Variants in TSFM observed in about 807,000 individuals in gnomAD.
TSFM encodes the protein Ts translation elongation factor, mitochondrial.
TSFM carries 29 observed loss-of-function variants against 33.4 expected under a neutral mutation model. The observed-to-expected ratio is 0.87, with a 90% CI of 0.65 to 1.18. TSFM has a LOEUF of 1.18. TSFM is among the 50% of genes most tolerant of loss of function. The pLI is 0.00. For missense variants in TSFM, 394 were observed against 395.6 expected (o/e 1.00, Z 0.04); for synonymous variants, 178 against 163.5 (o/e 1.09, Z -0.68).
At position 57,796,809 on chromosome 12, in the gene TSFM, G is replaced by T; in HGVS notation, c.*226G>T. 3.4e-6 allele frequency: 4 copies of T among 1,178,970 alleles called. No individual in the cohort carries two copies. The highest frequency in any genetic ancestry group is 4.2e-6 in the Non-Finnish European group (4 of 955,994). 73.0% of individuals were successfully genotyped at this position (1,178,970 alleles called of 1,614,324 possible). A position where few individuals can be genotyped will look rare whatever the true frequency, so the allele number is the denominator to read the frequency against. ...CTTATTGACGTGATAGTGTCGTGGAGAACAGGCATCAACAATACTGCTGCT... is the reference window on the plus strand; with the variant it reads ...CTTATTGACGTGATAGTGTCGTGGATAACAGGCATCAACAATACTGCTGCT... On this transcript the variant is annotated 3_prime_UTR_variant, in exon 6 of 6. Coordinates refer to ENST00000652027, the MANE Select transcript of TSFM (RefSeq NM_005726.6).
At chr12:57,798,381 T>A (rs369455279), downstream of TSFM, among the ~76,000 whole-genome samples, 12 of 152,346 alleles carry the variant, frequency 7.9e-5, no homozygotes, top group African/African-American at 2.9e-4. Context: ...TACCCATAAA[T>A]TTTCAAATGC....
chr12:57,801,315 T>C, downstream of TSFM: 1 of 868,804 alleles, frequency 1.2e-6, no homozygotes, highest in Non-Finnish European at 1.8e-6. Context: ...AGCCAGGGAG[T>C]CAGAAGACAT....
chr12:57,784,916 C>CCTTTT (rs1955569855), intron 2 of TSFM, among the ~76,000 whole-genome samples: 1 of 79,142 alleles, frequency 1.3e-5, no homozygotes, highest in African/African-American at 4.7e-5. Context: ...ATTGAAATAT[C>CCTTTT]TTTTTTTTTT....
At chr12:57,797,838 C>G (rs576641966), downstream of TSFM, 2 of 1,421,992 alleles carry the variant, frequency 1.4e-6, no homozygotes, top group Admixed American at 2.3e-5. Flanking sequence ...TTGGCACTAT[C>G]TGCTCTTTTC....
At chr12:57,787,921 A>T (rs1955611132) in intron 4 of TSFM, among the ~76,000 whole-genome samples, 1 of 151,964 alleles carries the variant, frequency 6.6e-6, no homozygotes, top group East Asian at 1.9e-4. Flanking sequence ...GTCTCAGAAA[A>T]AAAAAAAGAG....
chr12:57,783,241 T>C lies in TSFM; in HGVS notation c.189T>C (p.Asn63=), dbSNP rs1235465871. The C allele has an allele frequency of 1.2e-6, 2 of 1,613,732 alleles. No individual in the cohort carries two copies. Among genetic ancestry groups the C allele is most frequent in the South Asian group, 1.1e-5 (1 of 91,094 alleles). The part of the protein sequence containing the change: ...LRRKTGYSFV[N]CKKALETCGG... ...GGAAAACAGGCTACTCCTTTGTAAA[T>C]TGCAAGAAAGCTCTGGAGACTTGTG... Residue 63 remains asparagine (N), a synonymous_variant, in exon 2 of 6, where the codon AAT becomes AAC. Transcript: ENST00000652027.
At chr12:57,799,918 G>A, downstream of TSFM, 3 of 1,614,140 alleles carry the variant, frequency 1.9e-6, no homozygotes, top group Non-Finnish European at 2.5e-6. Context: ...CATTCTTCAT[G>A]TCCTAGGTAA....
At chr12:57,798,620 C>CT (rs1337769787), downstream of TSFM, among the ~76,000 whole-genome samples, 1,306 of 140,604 alleles carry the variant, frequency 9.3e-3, 21 homozygotes, top group African/African-American at 0.027. Context: ...CTTTTCTTTT[C>CT]TTTTTTTTTT....
chr12:57,785,994 A>T (rs773940384), intron 2 of TSFM, among the ~76,000 whole-genome samples, 169 bp from the exon 3 acceptor site: 2 of 152,260 alleles, frequency 1.3e-5, no homozygotes, highest in African/African-American at 4.8e-5. Context: ...CACCAGTTAT[A>T]ATAATACCTG....
At position 57,797,253 on chromosome 12, in the gene TSFM, A is replaced by G; in HGVS notation, c.*670A>G. 4 of 985,474 alleles carry G rather than the reference A, an allele frequency of 4.1e-6. No individual in the cohort carries two copies. Among genetic ancestry groups the G allele is most frequent in the Non-Finnish European group, 4.8e-6 (4 of 829,944 alleles). The allele number at this position is 985,474 out of a possible 1,614,324, so 61.0% of individuals were successfully genotyped here. ...TTGTGCCAGAAACAGAAATTAGAGT[A>G]GTCCAGTTACCCAGAGAGCTCACTT... is the stretch of plus-strand genomic sequence containing the variant. On this transcript the variant is annotated 3_prime_UTR_variant, in exon 6 of 6. Coordinates refer to ENST00000652027, the MANE Select transcript of TSFM (RefSeq NM_005726.6).
chr12:57,784,427 C>T (rs1461359805), intron 2 of TSFM, among the ~76,000 whole-genome samples: 3 of 152,066 alleles, frequency 2.0e-5, no homozygotes, highest in African/African-American at 7.2e-5. Context: ...ATAAGTTAAC[C>T]TTAGTTTAAT....
intron 4 of TSFM, 79 bp from the exon 5 acceptor site, chr12:57,792,907 G>A: frequency 3.5e-6 from 5 of 1,422,790 alleles, no homozygotes. Context: ...TTTTCTTAGA[G>A]ATAGACTATT....
chr12:57,797,799 G>C, downstream of TSFM: 2 of 1,118,570 alleles, frequency 1.8e-6, no homozygotes, highest in Non-Finnish European at 2.5e-6. Flanking sequence ...ATGTCAGGCA[G>C]AAATTGGTGG....
At chr12:57,786,904 A>G in intron 3 of TSFM, 136 bp from the exon 4 acceptor site, 1 of 938,476 alleles carries the variant, frequency 1.1e-6, no homozygotes. Context: ...GCGTAGCTTT[A>G]AAATTTTGGA....
At chr12:57,786,086 C>G (rs1955587198) in intron 2 of TSFM, 77 bp from the exon 3 acceptor site, 3 of 1,426,362 alleles carry the variant, frequency 2.1e-6, no homozygotes, top group Non-Finnish European at 2.8e-6. Flanking sequence ...ATCAGGAAAC[C>G]TGAGTATATC....
At chr12:57,783,021 GCTCC>G in intron 1 of TSFM, 85 bp from the exon 2 acceptor site, 1 of 1,515,958 alleles carries the variant, frequency 6.6e-7, no homozygotes, top group Admixed American at 1.9e-5. Context: ...CACACTGTCC[GCTCC>G]CTAAGGTCGC....
chr12:57,788,965 CTT>C (rs35955000), intron 4 of TSFM, among the ~76,000 whole-genome samples: 17 of 136,058 alleles, frequency 1.2e-4, no homozygotes, highest in Admixed American at 1.6e-4. Flanking sequence ...TATCATCGCC[CTT>C]TTTTTTTTTT....
intron 2 of TSFM, chr12:57,784,007 G>A (rs556636790): frequency 2.8e-6 from 2 of 702,956 alleles, no homozygotes; most frequent in African/African-American, 1.7e-5. Context: ...GAGAAATGGC[G>A]TCGTTAGGAG....
At chr12:57,790,448 A>G (rs536933301) in intron 4 of TSFM, among the ~76,000 whole-genome samples, 9 of 152,120 alleles carry the variant, frequency 5.9e-5, no homozygotes, top group Non-Finnish European at 1.0e-4. Context: ...GTGTGGTTCA[A>G]TCCTTCCTTT....
Sources: gnomAD v4.1 joint callset for allele counts (sites outside exome capture counted in the v4.1 genomes callset) on GRCh38, gnomAD v4.1.1 for gene constraint, MANE v1.5 for transcripts, NCBI Gene and HGNC (gene_info 2026-07-23, HGNC 2026-07-21) for gene names.